The following ATG4A variants were observed in gnomAD, a reference collection of about 807,000 sequenced individuals.
ATG4A encodes the protein autophagy related 4A cysteine peptidase.
ATG4A carries 22 observed loss-of-function variants against 38.4 expected under a neutral mutation model. The observed-to-expected ratio is 0.57, with a 90% CI of 0.41 to 0.82. The LOEUF (loss-of-function observed/expected upper bound fraction) is 0.82. Ranked by LOEUF, ATG4A falls within the 40% of genes least tolerant of loss-of-function variation. The pLI, the probability that ATG4A is intolerant of heterozygous loss-of-function variation, is 0.00. For synonymous variants in ATG4A, 86 were observed against 100.7 expected (o/e 0.85, Z 0.88); for missense variants, 220 against 290.0 (o/e 0.76, Z 1.75).
At chrX:108,101,436 A>G (rs1231494139) in intron 1 of ATG4A, among the ~76,000 whole-genome samples, 1 of 106,984 alleles carries the variant, frequency 9.3e-6, no homozygotes, top group African/African-American at 3.4e-5. Flanking sequence ...TTTCAGTTTA[A>G]TTTGCTCTTA....
Position 108,131,364 on chromosome X carries a change from T to A in ATG4A, c.292+6T>A. 1 of 1,203,883 alleles carries A rather than the reference T, an allele frequency of 8.3e-7. No individual in the cohort carries two copies. The highest frequency in any genetic ancestry group is 1.1e-6 in the Non-Finnish European group (1 of 889,386). ...CTGTAGACACTTGGGAAGGGGTGAGTTAAATTTGTTTTATAAACTTTCTCA... is the reference window on the plus strand; with the variant it reads ...CTGTAGACACTTGGGAAGGGGTGAGATAAATTTGTTTTATAAACTTTCTCA... On this transcript the variant is annotated splice_donor_region_variant and intron_variant, in intron 4 of 12. Transcript: ENST00000372232.
chrX:108,116,993 T>C (rs1044975998), intron 1 of ATG4A, among the ~76,000 whole-genome samples: 9 of 111,953 alleles, frequency 8.0e-5, no homozygotes, highest in South Asian at 7.6e-4. Context: ...CAGATACTCA[T>C]CACATACTGC....
intron 9 of ATG4A, among the ~76,000 whole-genome samples, chrX:108,140,967 C>CGT (rs1366341217): frequency 2.4e-5 from 2 of 84,256 alleles, no homozygotes; most frequent in African/African-American, 9.6e-5. Flanking sequence ...CATATATACA[C>CGT]ATATATACAC....
At chrX:108,109,497 ATTTT>A (rs2032292993) in intron 1 of ATG4A, among the ~76,000 whole-genome samples, 4 of 111,924 alleles carry the variant, frequency 3.6e-5, no homozygotes, top group Non-Finnish European at 5.6e-5. Flanking sequence ...CCATTTGTCT[ATTTT>A]TGTTCTTGTT....
intron 2 of ATG4A, among the ~76,000 whole-genome samples, chrX:108,126,627 A>G (rs752180490): frequency 9.0e-6 from 1 of 111,555 alleles, no homozygotes; most frequent in East Asian, 2.8e-4. Context: ...TAGACAACCC[A>G]TGGACCTCAG....
chrX:108,128,690 T>G, intron 2 of ATG4A, 91 bp from the exon 3 acceptor site: 1 of 544,831 alleles, frequency 1.8e-6, no homozygotes, highest in Non-Finnish European at 2.9e-6. Context: ...AATTGACTGG[T>G]TATTTGAAAT....
intron 12 of ATG4A, 90 bp downstream of exon 12, chrX:108,153,177 G>A: frequency 3.0e-6 from 2 of 667,485 alleles, no homozygotes; most frequent in South Asian, 2.8e-5. Context: ...TGCTTTCTGT[G>A]GACAGTAAAA....
chrX:108,151,486 G>T (rs2033587754), intron 10 of ATG4A, among the ~76,000 whole-genome samples: 1 of 112,311 alleles, frequency 8.9e-6, no homozygotes, highest in Non-Finnish European at 1.9e-5. Context: ...TTGGAGATGT[G>T]TGTATTTGTA....
At chrX:108,119,876 A>G (rs1213068413) in intron 1 of ATG4A, among the ~76,000 whole-genome samples, 1 of 112,204 alleles carries the variant, frequency 8.9e-6, no homozygotes, top group East Asian at 2.8e-4. Context: ...TAAATGAGCC[A>G]TGAGCTCAGT....
At chrX:108,099,124 C>T (rs960473192) in intron 1 of ATG4A, among the ~76,000 whole-genome samples, 4 of 111,721 alleles carry the variant, frequency 3.6e-5, no homozygotes, top group African/African-American at 1.3e-4. Context: ...ATGAGAGATC[C>T]AGTATCTCCA....
chrX:108,137,970 T>C lies in ATG4A; in HGVS notation c.714T>C (p.Pro238=), dbSNP rs761981139. ...PLRLGINQIN[P]VYVDAFKECF... ...GCCTGGGCATAAACCAAATCAATCC[T>C]GTCTATGTTGATGCATTCAAAGTAA... Residue 238 remains proline (P), a synonymous_variant, in exon 8 of 13, where the codon CCT becomes CCC. Coordinates refer to ENST00000372232, the MANE Select transcript of ATG4A (RefSeq NM_052936.5). 2 of 1,200,659 alleles carry C rather than the reference T, an allele frequency of 1.7e-6. No homozygotes were observed. The highest frequency in any genetic ancestry group is 1.8e-5 in the South Asian group (1 of 54,225).
upstream of ATG4A, chrX:108,091,749 A>G (rs946085514): frequency 8.5e-7 from 1 of 1,171,813 alleles, no homozygotes; most frequent in South Asian, 1.8e-5. Flanking sequence ...GTGCAGAACT[A>G]CAAGTCCCAG....
At chrX:108,113,931 G>C (rs190769375) in intron 1 of ATG4A, among the ~76,000 whole-genome samples, 1 of 112,308 alleles carries the variant, frequency 8.9e-6, no homozygotes, top group Admixed American at 9.3e-5. Context: ...CCACATGGGT[G>C]TTGCAGATGC....
intron 12 of ATG4A, 51 bp from the exon 13 acceptor site, chrX:108,153,591 T>G (rs1235360024): frequency 9.5e-7 from 1 of 1,054,696 alleles, no homozygotes; most frequent in East Asian, 3.0e-5. Flanking sequence ...TACTGACCAC[T>G]TCAACCCAAG....
intron 3 of ATG4A, among the ~76,000 whole-genome samples, chrX:108,129,569 CTTTTTTTTTT>C (rs764613277): frequency 2.1e-5 from 2 of 96,190 alleles, no homozygotes; most frequent in Admixed American, 2.3e-4. Context: ...TCTTTTCTTT[CTTTTTTTTTT>C]TTTTTTTTTG....
At chrX:108,148,264 A>G (rs926585078) in intron 9 of ATG4A, among the ~76,000 whole-genome samples, 5 of 105,006 alleles carry the variant, frequency 4.8e-5, no homozygotes, top group African/African-American at 1.4e-4. Flanking sequence ...TCTTTTTCAC[A>G]TTTTTCTGCT....
chrX:108,137,264 C>T, intron 7 of ATG4A, 94 bp downstream of exon 7: 1 of 795,813 alleles, frequency 1.3e-6, no homozygotes, highest in Admixed American at 2.7e-5. Flanking sequence ...TCTCTCTGGT[C>T]TTCCCCACCA....
chrX:108,148,650 T>C (rs1488354475), intron 9 of ATG4A, among the ~76,000 whole-genome samples: 1 of 111,097 alleles, frequency 9.0e-6, no homozygotes, highest in Non-Finnish European at 1.9e-5. Flanking sequence ...AACCCTGTTT[T>C]GGCTTTCTGT....
In ATG4A at chrX:108,154,014, A is replaced by C; in HGVS notation, c.*302A>C. On this transcript the variant is annotated 3_prime_UTR_variant, in exon 13 of 13. Transcript: ENST00000372232. ...CTACAGCAAGTCTTCAGCTGCTGCAATGAGGAAATGGGCATCTGGAAGACA... is the reference window on the plus strand; with the variant it reads ...CTACAGCAAGTCTTCAGCTGCTGCACTGAGGAAATGGGCATCTGGAAGACA... 5.2e-6 allele frequency: 1 copy of C among 193,398 alleles called. No individual in the cohort carries two copies. The highest frequency in any genetic ancestry group is 9.5e-6 in the Non-Finnish European group (1 of 105,720). The allele number at this position is 193,398 out of a possible 1,213,427, so 15.9% of individuals were successfully genotyped here.
Sources: gnomAD v4.1 joint callset for allele counts (sites outside exome capture counted in the v4.1 genomes callset) on GRCh38, gnomAD v4.1.1 for gene constraint, MANE v1.5 for transcripts, NCBI Gene and HGNC (gene_info 2026-07-23, HGNC 2026-07-21) for gene names.